The following DNAH7 variants were observed in gnomAD, a reference collection of about 807,000 sequenced individuals.
DNAH7 encodes axonemal beta dynein heavy chain 7.
DNAH7 carries 397 observed loss-of-function variants against 444.6 expected under a neutral mutation model. The ratio of observed to expected loss-of-function variants is 0.89; its 90% confidence interval spans 0.82 to 0.97. The LOEUF (loss-of-function observed/expected upper bound fraction) is 0.97, where lower values mean the gene tolerates loss of function less well. Ranked by LOEUF, DNAH7 falls within the 50% of genes least tolerant of loss-of-function variation. DNAH7 has a pLI of 0.00. For synonymous variants in DNAH7, 1,636 were observed against 1,624.4 expected, an observed-to-expected ratio of 1.01 and a Z score of -0.17; for missense variants, 4,902 against 4,800.8, an observed-to-expected ratio of 1.02 and a Z score of -0.62.
chr2:196,035,073 T>C (rs900119712), intron 5 of DNAH7, among the ~76,000 whole-genome samples: 10 of 152,018 alleles, frequency 6.6e-5, no homozygotes, highest in Non-Finnish European at 1.2e-4. Context: ...TCCCAGGTAC[T>C]TGAGAGGCTG....
At chr2:196,061,138 T>C (rs989699466) in intron 1 of DNAH7, among the ~76,000 whole-genome samples, 3 of 152,178 alleles carry the variant, frequency 2.0e-5, no homozygotes, top group Non-Finnish European at 2.9e-5. Flanking sequence ...TTCAAGGATA[T>C]ATTTTTATGA....
rs555457447 is a variant in DNAH7 at position 195,790,321 on chromosome 2, T to A, written c.10717-3150A>T. On this transcript the variant is annotated intron_variant, in intron 57 of 64. Coordinates refer to ENST00000312428, the MANE Select transcript of DNAH7 (RefSeq NM_018897.3). The stretch of plus-strand genomic sequence containing the variant: ...TCATTTTTCACAGAATTAGAAAAAA[T>A]TAATTCTACAACTCATAAAGAACCA... 3.0e-4 allele frequency among the ~76,000 whole-genome samples: 45 copies of A among 151,810 alleles called. No individual in the cohort carries two copies. The South Asian group carries it at 8.1e-3, about 27-fold the overall frequency.
Position 195,987,071 on chromosome 2 carries a change from A to G in DNAH7, c.1749T>C (p.Asn583=), listed in dbSNP as rs1692960120. ...AACCAGTATCACATAAATACCTTGTATTTACTTCCTGATGATCTCTGAACA... is the reference window on the plus strand; with the variant it reads ...AACCAGTATCACATAAATACCTTGTGTTTACTTCCTGATGATCTCTGAACA... ...AKMFRDHQEV[N]TRLCDEFERI... The change falls in exon 14 of 65, where the codon AAT becomes AAC. Residue 583 remains asparagine, a synonymous_variant. Transcript: ENST00000312428. The G allele has an allele frequency of 6.3e-7, 1 of 1,592,458 alleles. No homozygotes were observed. The highest frequency in any genetic ancestry group is 1.9e-5 in the Admixed American group (1 of 53,256).
chr2:195,931,232 G>T (rs1688673447), intron 21 of DNAH7, among the ~76,000 whole-genome samples: 1 of 152,136 alleles, frequency 6.6e-6, no homozygotes, highest in South Asian at 2.1e-4. Flanking sequence ...CTTCTTTTGA[G>T]AAGTGTCTGT....
At chr2:196,005,275 AAAACAAAC>A (rs757539066) in intron 10 of DNAH7, among the ~76,000 whole-genome samples, 22 of 149,074 alleles carry the variant, frequency 1.5e-4, no homozygotes, top group East Asian at 5.8e-4. Context: ...CTCCATCTCC[AAAACAAAC>A]AAACAAACAA....
chr2:195,940,471 G>C (rs957523774), intron 19 of DNAH7, among the ~76,000 whole-genome samples: 2 of 152,162 alleles, frequency 1.3e-5, no homozygotes, highest in African/African-American at 4.8e-5. Context: ...CATGGGCAAA[G>C]ACTTCATTGG....
At chr2:195,826,529 T>C (rs1697761956) in intron 48 of DNAH7, among the ~76,000 whole-genome samples, 1 of 152,238 alleles carries the variant, frequency 6.6e-6, no homozygotes, top group African/African-American at 2.4e-5. Context: ...TATACCATAC[T>C]GTCAGCATTC....
rs60653466 is a variant in DNAH7, at chr2:195,976,747, CAGAGAGAGAGAGAG to C, written c.1834-4295_1834-4282del. ...AGACAGAGAGAGACAGAGAGGCAGA[CAGAGAGAGAGAGAG>C]AGAGAGAGAGAGAGAGAGAGAGAGA... On this transcript the variant is annotated intron_variant, in intron 15 of 64. Transcript: ENST00000312428. 4.0e-4 allele frequency among the ~76,000 whole-genome samples: 36 copies of C among 90,616 alleles called. 1 individual carries two copies. Among genetic ancestry groups the C allele is most frequent in the East Asian group, 1.8e-3 (6 of 3,272 alleles). The allele number at this position is 90,616 out of a possible 152,430, so 59.4% of individuals were successfully genotyped here. A position where few individuals can be genotyped will look rare whatever the true frequency, so the allele number is the denominator to read the frequency against.
At chr2:195,842,083 T>C (rs1038545232) in intron 47 of DNAH7, among the ~76,000 whole-genome samples, 2 of 152,108 alleles carry the variant, frequency 1.3e-5, no homozygotes, top group Non-Finnish European at 2.9e-5. Flanking sequence ...AAACCTAATA[T>C]ATCTCTCTTC....
In DNAH7 at chr2:195,874,206, T is replaced by C. The variant is rs16841350; in HGVS notation, c.6287-512A>G. ...ACCCAAGACGAGTCTATACAGTTCA[T>C]ATAGTGACTTCACTGGCTGCTTGCA... On this transcript the variant is annotated intron_variant, in intron 38 of 64. Transcript: ENST00000312428. Among the ~76,000 whole-genome samples, 2,958 of 152,276 alleles carry C rather than the reference T, an allele frequency of 0.019. 236 individuals carry two copies. The East Asian group carries it at 0.26, about 14-fold the overall frequency.
In DNAH7 at chr2:196,010,458, C is replaced by T. The variant is rs189712206; in HGVS notation, c.989+2329G>A. On this transcript the variant is annotated intron_variant, in intron 10 of 64. Transcript: ENST00000312428. ...CCACCATCCCTGACAAAAAGAGGAACTTTCATACACTGTTGGGAACACAAA... is the reference window on the plus strand; with the variant it reads ...CCACCATCCCTGACAAAAAGAGGAATTTTCATACACTGTTGGGAACACAAA... Among the ~76,000 whole-genome samples the T allele has an allele frequency of 7.6e-3, 1,154 of 152,194 alleles. 22 individuals carry two copies. Among genetic ancestry groups the T allele is most frequent in the Non-Finnish European group, 6.5e-3 (439 of 68,002 alleles).
At chr2:196,045,479 C>A (rs886956270) in intron 5 of DNAH7, among the ~76,000 whole-genome samples, 1 of 151,554 alleles carries the variant, frequency 6.6e-6, no homozygotes, top group African/African-American at 2.4e-5. Context: ...GCAAAAGCAA[C>A]TTTCTAAAAA....
In DNAH7 at chr2:195,906,787, C is replaced by T; in HGVS notation, c.4208-1G>A. ...AGTATATCAGCACCTGCATTAATAC[C>T]TGTAGGTAATCAGGAATGAAATGAC... On this transcript the variant is annotated splice_acceptor_variant, in intron 26 of 64. Transcript: ENST00000312428. LOFTEE classifies it high-confidence loss of function. 2 of 1,612,796 alleles carry T rather than the reference C, an allele frequency of 1.2e-6. No individual in the cohort carries two copies. Among genetic ancestry groups the T allele is most frequent in the Non-Finnish European group, 1.7e-6 (2 of 1,179,276 alleles).
At chr2:195,766,141 T>C (rs1694567627) in intron 61 of DNAH7, among the ~76,000 whole-genome samples, 1 of 149,568 alleles carries the variant, frequency 6.7e-6, no homozygotes, top group Non-Finnish European at 1.5e-5. Flanking sequence ...AAACTTTGCA[T>C]GTTCTCGTTT....
chr2:195,787,046 G>A lies in DNAH7; in HGVS notation c.10842C>T (p.Ser3614=), dbSNP rs369463970. The change falls in exon 58 of 65, where the codon AGC becomes AGT. Residue 3614 remains serine (S), a synonymous_variant. Transcript: ENST00000312428. Reference sequence around the variant, plus strand: ...TCAGGAACATGTGGAGCTGCTGTACGCTGATTCTCAGATCTGTCTCATTGA... The same window carrying A: ...TCAGGAACATGTGGAGCTGCTGTACACTGATTCTCAGATCTGTCTCATTGA... ...YEFNETDLRI[S]VQQLHMFLNQ... is the part of the protein sequence containing the mutation. The A allele has an allele frequency of 6.2e-5, 99 of 1,606,398 alleles. No homozygotes were observed. Among genetic ancestry groups the A allele is most frequent in the Non-Finnish European group, 8.1e-5 (96 of 1,178,026 alleles).
At chr2:196,054,090 G>C (rs969497264) in intron 2 of DNAH7, among the ~76,000 whole-genome samples, 2 of 152,232 alleles carry the variant, frequency 1.3e-5, no homozygotes, top group African/African-American at 4.8e-5. Context: ...TACCCTGTCA[G>C]AGCCACCAAT....
At chr2:195,907,844 A>G (rs1337395601) in intron 25 of DNAH7, among the ~76,000 whole-genome samples, 1 of 152,148 alleles carries the variant, frequency 6.6e-6, no homozygotes, top group Non-Finnish European at 1.5e-5. Flanking sequence ...ATGTCAAAGA[A>G]TAGTACATTC....
In DNAH7 at chr2:195,876,551, T is replaced by C; in HGVS notation, c.6110A>G (p.Lys2037Arg). Residue 2037 changes from lysine to arginine, a missense_variant, in exon 37 of 65, where the codon AAG becomes AGG. Coordinates refer to ENST00000312428, the MANE Select transcript of DNAH7 (RefSeq NM_018897.3). The stretch of plus-strand genomic sequence containing the variant: ...TGTACAAAGAGTCATTACCATTCTC[T>C]TGCCCAAAGGAGGACCAAAAACTCC... ...RKGVFGPPLG[K>R]RMVVFVDDVN... is the part of the protein sequence containing the mutation. 2 of 1,613,752 alleles carry C rather than the reference T, an allele frequency of 1.2e-6. No homozygotes were observed. Among genetic ancestry groups the C allele is most frequent in the African/African-American group, 1.3e-5 (1 of 75,034 alleles).
intron 19 of DNAH7, among the ~76,000 whole-genome samples, chr2:195,952,483 G>T (rs973696379): frequency 6.6e-6 from 1 of 152,094 alleles, no homozygotes; most frequent in Non-Finnish European, 1.5e-5. Context: ...TGTCTTGCTA[G>T]GCTGGGGAAG....
Sources: gnomAD v4.1 joint callset for allele counts (sites outside exome capture counted in the v4.1 genomes callset) on GRCh38, gnomAD v4.1.1 for gene constraint, MANE v1.5 for transcripts, NCBI Gene and HGNC (gene_info 2026-07-23, HGNC 2026-07-21) for gene names.